The following THSD4 variants were observed in gnomAD, a reference collection of about 807,000 sequenced individuals.
THSD4 encodes thrombospondin type-1 domain-containing protein 4.
THSD4 carries 69 observed loss-of-function variants against 119.0 expected under a neutral mutation model. The observed-to-expected ratio is 0.58, with a 90% CI of 0.48 to 0.71. The LOEUF is 0.71. Ranked by LOEUF, THSD4 falls within the 30% of genes least tolerant of loss-of-function variation. The probability of loss-of-function intolerance (pLI) is 0.00; values close to 1 mark genes in which losing one functional copy is unlikely to be tolerated. For missense variants in THSD4, 1,393 were observed against 1,391.1 expected (o/e 1.00, Z -0.02); for synonymous variants, 524 against 540.4 (o/e 0.97, Z 0.42).
chr15:71,587,973 C>T lies in THSD4; in HGVS notation c.1153-72557C>T, dbSNP rs556213112. ...CCTCTACCTCTAAAACCAGTACTCT[C>T]CCTGTGGCATAGTTTCATTGTCAAG... On this transcript the variant is annotated intron_variant, in intron 7 of 17. Coordinates refer to ENST00000261862, the MANE Select transcript of THSD4 (RefSeq NM_024817.3). 3.9e-5 allele frequency among the ~76,000 whole-genome samples: 6 copies of T among 152,104 alleles called. No individual in the cohort carries two copies. In the South Asian group the frequency reaches 1.2e-3, roughly 32 times the overall value.
intron 7 of THSD4, among the ~76,000 whole-genome samples, chr15:71,634,784 T>G (rs2279787): frequency 0.11 from 16,235 of 152,280 alleles, 969 homozygotes; most frequent in East Asian, 0.21. Context: ...TCATTCCATG[T>G]ACGCCTTACG....
intron 1 of THSD4, among the ~76,000 whole-genome samples, chr15:71,107,268 A>G (rs2040277854): frequency 1.3e-5 from 2 of 152,316 alleles, no homozygotes; most frequent in South Asian, 4.1e-4. Flanking sequence ...TAACTTAATC[A>G]ATCAAAAAGA....
chr15:71,318,179 A>G (rs1242567241), intron 6 of THSD4, among the ~76,000 whole-genome samples: 6 of 152,176 alleles, frequency 3.9e-5, no homozygotes, highest in Non-Finnish European at 7.3e-5. Flanking sequence ...CTTCCTTCCC[A>G]GGAGGCATGC....
chr15:71,099,946 A>G (rs531176151), intron 1 of THSD4, among the ~76,000 whole-genome samples: 3 of 152,196 alleles, frequency 2.0e-5, no homozygotes, highest in African/African-American at 4.8e-5. Context: ...CCTGGGTGAC[A>G]GTTTTCTTTG....
chr15:71,194,301 C>T (rs997160247), intron 3 of THSD4, among the ~76,000 whole-genome samples: 3 of 152,230 alleles, frequency 2.0e-5, no homozygotes, highest in African/African-American at 7.2e-5. Flanking sequence ...ATGCCTCCAT[C>T]TGTTTTCACA....
At position 71,344,225 on chromosome 15, in the gene THSD4, A is replaced by G. The variant is rs575565005; in HGVS notation, c.1016-67462A>G. 1.8e-3 allele frequency among the ~76,000 whole-genome samples: 277 copies of G among 151,896 alleles called. 1 individual carries two copies. The highest frequency in any genetic ancestry group is 6.0e-3 in the Admixed American group (91 of 15,262). ...GACTAAATTTTGTTTTTGTATTTTT[A>G]ATAGAGACGGGGTTTCACCGTGTTA... On this transcript the variant is annotated intron_variant, in intron 6 of 17. Coordinates refer to ENST00000261862, the MANE Select transcript of THSD4 (RefSeq NM_024817.3).
At chr15:71,382,930 ATTAC>A (rs1199991370) in intron 6 of THSD4, among the ~76,000 whole-genome samples, 8 of 152,222 alleles carry the variant, frequency 5.3e-5, no homozygotes, top group Non-Finnish European at 1.2e-4. Context: ...ATAAGTATCT[ATTAC>A]TTAATGTAAC....
chr15:71,181,290 G>T (rs1308577766), intron 3 of THSD4, among the ~76,000 whole-genome samples: 1 of 152,292 alleles, frequency 6.6e-6, no homozygotes, highest in East Asian at 1.9e-4. Flanking sequence ...ATTAAGAAAA[G>T]AATTTCAGTG....
chr15:71,432,761 A>G (rs1165305742), intron 7 of THSD4, among the ~76,000 whole-genome samples: 1 of 151,736 alleles, frequency 6.6e-6, no homozygotes, highest in African/African-American at 2.4e-5. Context: ...ATTCTTTTTC[A>G]ACTTTTTATA....
intron 7 of THSD4, among the ~76,000 whole-genome samples, chr15:71,492,779 A>G (rs1253110430): frequency 1.3e-5 from 2 of 152,148 alleles, no homozygotes; most frequent in Non-Finnish European, 2.9e-5. Flanking sequence ...GTTTCTAAAG[A>G]AGCCCCTAAA....
At chr15:71,366,917 G>A (rs1364215260) in intron 6 of THSD4, among the ~76,000 whole-genome samples, 2 of 152,144 alleles carry the variant, frequency 1.3e-5, no homozygotes, top group Non-Finnish European at 2.9e-5. Flanking sequence ...GTGAAGGAGA[G>A]GACCCTGACC....
At chr15:71,435,854 G>A (rs1315107035) in intron 7 of THSD4, among the ~76,000 whole-genome samples, 3 of 152,206 alleles carry the variant, frequency 2.0e-5, no homozygotes, top group African/African-American at 7.2e-5. Context: ...AAAGATGGAA[G>A]CAACAGAAGC....
intron 4 of THSD4, among the ~76,000 whole-genome samples, chr15:71,230,265 A>T (rs375902089): frequency 6.6e-6 from 1 of 152,152 alleles, no homozygotes; most frequent in Non-Finnish European, 1.5e-5. Flanking sequence ...ATTACAACCC[A>T]TACTAACAAC....
chr15:71,608,241 T>TACACACAC (rs754808213), intron 7 of THSD4, among the ~76,000 whole-genome samples: 1,016 of 80,278 alleles, frequency 0.013, 17 homozygotes, highest in African/African-American at 0.028. Flanking sequence ...AAAAAAAATA[T>TACACACAC]ATATATATAC....
At chr15:71,173,112 G>C (rs1210225660) in intron 3 of THSD4, among the ~76,000 whole-genome samples, 1 of 152,010 alleles carries the variant, frequency 6.6e-6, no homozygotes, top group Non-Finnish European at 1.5e-5. Flanking sequence ...ATATGATCTT[G>C]TATGTTAAAC....
chr15:71,520,028 G>A (rs1595851735), intron 7 of THSD4, among the ~76,000 whole-genome samples: 1 of 152,278 alleles, frequency 6.6e-6, no homozygotes, highest in African/African-American at 2.4e-5. Flanking sequence ...CTGTCTAGCA[G>A]GATTCTAAGT....
At chr15:71,438,582 C>A (rs2047047095) in intron 7 of THSD4, among the ~76,000 whole-genome samples, 1 of 152,148 alleles carries the variant, frequency 6.6e-6, no homozygotes, top group African/African-American at 2.4e-5. Flanking sequence ...GATGGCTACC[C>A]AATTATGGAT....
intron 7 of THSD4, among the ~76,000 whole-genome samples, chr15:71,641,958 G>A (rs887579871): frequency 3.3e-5 from 5 of 152,144 alleles, no homozygotes; most frequent in African/African-American, 1.2e-4. Flanking sequence ...CCTGTTTTAG[G>A]CAAATACATA....
intron 12 of THSD4, among the ~76,000 whole-genome samples, chr15:71,745,915 G>A (rs2053328315): frequency 6.6e-6 from 1 of 152,204 alleles, no homozygotes; most frequent in Non-Finnish European, 1.5e-5. Context: ...AAAGTGCTGG[G>A]ATTACGGGCG....
Sources: gnomAD v4.1 joint callset for allele counts (sites outside exome capture counted in the v4.1 genomes callset) on GRCh38, gnomAD v4.1.1 for gene constraint, MANE v1.5 for transcripts, NCBI Gene and HGNC (gene_info 2026-07-23, HGNC 2026-07-21) for gene names.